The following HERC2 variants were observed in gnomAD, a reference collection of about 807,000 sequenced individuals.
The protein encoded by HERC2 is E3 ubiquitin-protein ligase HERC2.
In HERC2, 102 loss-of-function variants were observed where a neutral mutation model predicts 537.7. The ratio of observed to expected loss-of-function variants is 0.19; its 90% CI spans 0.16 to 0.22. The LOEUF is 0.22. Among genes scored for constraint, HERC2 ranks in the 10% least tolerant of loss-of-function variants. The pLI, the probability that HERC2 is intolerant of heterozygous loss-of-function variation, is 1.00. For synonymous variants in HERC2, 2,224 were observed against 2,466.2 expected, an observed-to-expected ratio of 0.90 and a Z score of 2.91; for missense variants, 4,236 against 6,198.2, an observed-to-expected ratio of 0.68 and a Z score of 10.63.
chr15:28,227,190 G>A (rs1363949074), intron 35 of HERC2, among the ~76,000 whole-genome samples: 6 of 152,088 alleles, frequency 3.9e-5, no homozygotes, highest in South Asian at 2.1e-4. Flanking sequence ...CATGAGAAGC[G>A]CTTGAACCCG....
chr15:28,142,262 C>A lies in HERC2; in HGVS notation c.11676G>T (p.Pro3892=), dbSNP rs530738222. The A allele has an allele frequency of 1.2e-6, 2 of 1,614,152 alleles. No homozygotes were observed. Among genetic ancestry groups the A allele is most frequent in the Non-Finnish European group, 1.7e-6 (2 of 1,180,030 alleles). The stretch of plus-strand genomic sequence containing the variant: ...CCTCATCAAGAAACAGACGGGGCAA[C>A]GGTGTTCTTTTGTCAAGGGCCACAG... ...RVAVALDKRT[P]LPRLFLDEVA... The change falls in exon 76 of 93, where the codon CCG becomes CCT. Residue 3892 remains proline (P), a synonymous_variant. Transcript: ENST00000261609.
intron 63 of HERC2, 36 bp from the exon 64 acceptor site, chr15:28,175,692 G>C: frequency 6.2e-7 from 1 of 1,609,762 alleles, no homozygotes; most frequent in South Asian, 1.1e-5. Context: ...TTACAATACG[G>C]TTATGGTCTG....
intron 57 of HERC2, 21 bp from the exon 58 acceptor site, chr15:28,179,244 CAA>C: frequency 8.1e-6 from 11 of 1,353,596 alleles, no homozygotes; most frequent in Admixed American, 2.4e-5. Context: ...ATTTTTTTAA[CAA>C]AAAAAAAAGA....
chr15:28,211,687 A>G (rs1292719110), intron 43 of HERC2, among the ~76,000 whole-genome samples: 1 of 152,142 alleles, frequency 6.6e-6, no homozygotes, highest in Non-Finnish European at 1.5e-5. Context: ...CCACGATGGG[A>G]AACGGCAGCT....
intron 2 of HERC2, among the ~76,000 whole-genome samples, chr15:28,300,620 A>G (rs1473887282): frequency 6.7e-6 from 1 of 149,308 alleles, no homozygotes; most frequent in Non-Finnish European, 1.5e-5. Flanking sequence ...TCAGGAGTTC[A>G]TGACCAGCCT....
intron 30 of HERC2, among the ~76,000 whole-genome samples, chr15:28,231,620 C>A (rs1232894492): frequency 6.6e-6 from 1 of 152,078 alleles, no homozygotes; most frequent in Non-Finnish European, 1.5e-5. Flanking sequence ...GGGAGAGACA[C>A]CAAAGCGTGT....
At chr15:28,263,587 A>G (rs2075471913) in intron 14 of HERC2, among the ~76,000 whole-genome samples, 1 of 142,570 alleles carries the variant, frequency 7.0e-6, no homozygotes, top group South Asian at 2.2e-4. Flanking sequence ...GTACCACTGT[A>G]TGTGTTCCCA....
At chr15:28,133,014 G>A (rs894597517) in intron 79 of HERC2, among the ~76,000 whole-genome samples, 184 bp from the exon 80 acceptor site, 1 of 151,968 alleles carries the variant, frequency 6.6e-6, no homozygotes, top group African/African-American at 2.4e-5. Flanking sequence ...AAGGCCAGAG[G>A]ACACGGCTTC....
At position 28,228,276 on chromosome 15, in the gene HERC2, G is replaced by C. The variant is rs749541624; in HGVS notation, c.5406C>G (p.Leu1802=). Residue 1802 remains leucine, a synonymous_variant, in exon 35 of 93, where the codon CTC becomes CTG. Transcript: ENST00000261609. ...GCATGCCGGAATTGAGCAGAAGGTC[G>C]AGGTTGTTTGCGCCGTGCTGCAGGG... ...MLTLQHGANN[L]DLLLNSGMLA... The C allele has an allele frequency of 1.2e-6, 2 of 1,613,274 alleles. No individual in the cohort carries two copies. Among genetic ancestry groups the C allele is most frequent in the East Asian group, 4.5e-5 (2 of 44,896 alleles).
chr15:28,149,581 CA>C (rs1892179987), intron 70 of HERC2, among the ~76,000 whole-genome samples: 2 of 151,716 alleles, frequency 1.3e-5, no homozygotes, highest in African/African-American at 4.8e-5. Flanking sequence ...GTAAAATTAC[CA>C]AAAAAACACA....
intron 23 of HERC2, among the ~76,000 whole-genome samples, chr15:28,240,711 G>C (rs549276685): frequency 5.9e-5 from 9 of 152,260 alleles, no homozygotes; most frequent in Admixed American, 3.9e-4. Flanking sequence ...CAGAAAAATG[G>C]AATAGAATGG....
intron 4 of HERC2, among the ~76,000 whole-genome samples, chr15:28,291,937 A>C (rs1212952155): frequency 5.0e-5 from 6 of 120,110 alleles, no homozygotes; most frequent in Admixed American, 8.8e-5. Flanking sequence ...AAAAAAAAAG[A>C]GGCAAAAGGG....
At chr15:28,290,007 G>C (rs912867365) in intron 4 of HERC2, among the ~76,000 whole-genome samples, 3 of 152,234 alleles carry the variant, frequency 2.0e-5, no homozygotes, top group South Asian at 4.1e-4. Flanking sequence ...TCTCTCAGGC[G>C]GGGTTCAAAG....
At position 28,186,559 on chromosome 15, in the gene HERC2, G is replaced by A; in HGVS notation, c.8825+18C>T. 3.1e-6 allele frequency: 5 copies of A among 1,606,124 alleles called. No homozygotes were observed. In the South Asian group the frequency reaches 4.4e-5, roughly 14 times the overall value. The stretch of plus-strand genomic sequence containing the variant: ...TGTAGCGGGAGGTAAGTGAGCACCT[G>A]TAACAAATGGTTCTCACCTTCCGCT... On this transcript the variant is annotated intron_variant, in intron 56 of 92. Transcript: ENST00000261609.
At position 28,111,801 on chromosome 15, in the gene HERC2, C is replaced by T. The variant is rs747789513; in HGVS notation, c.14467G>A (p.Ala4823Thr). 10 of 1,614,090 alleles carry T rather than the reference C, an allele frequency of 6.2e-6. No homozygotes were observed. ...DSDNEDVDSFASDSTQDYLTG... is the reference protein window; with the variant it reads ...DSDNEDVDSFTSDSTQDYLTG... ...AAATAATCTTGTGTAGAGTCCGAAG[C>T]AAAGGAGTCGACATCCTCGTTATCT... Residue 4823 changes from alanine to threonine, a missense_variant, in exon 93 of 93, where the codon GCT (alanine) becomes ACT (threonine). By Grantham distance (58) the Ala-to-Thr change is moderately conservative. Around this residue, in one of 27 missense-constraint regions of HERC2, gnomAD observed 313 missense variants for 462.6 expected, o/e 0.68. Coordinates refer to ENST00000261609, the MANE Select transcript of HERC2 (RefSeq NM_004667.6).
chr15:28,277,483 C>CT (rs1355168808), intron 5 of HERC2, among the ~76,000 whole-genome samples: 1 of 146,450 alleles, frequency 6.8e-6, no homozygotes, highest in East Asian at 2.0e-4. Context: ...AAAAAAGGGG[C>CT]TTTTTTAAAA....
At chr15:28,305,251 A>T (rs1175938916) in intron 2 of HERC2, among the ~76,000 whole-genome samples, 2 of 151,810 alleles carry the variant, frequency 1.3e-5, no homozygotes, top group Non-Finnish European at 2.9e-5. Flanking sequence ...TGGCTGGGTC[A>T]AATGGTATTT....
rs1052573443 is a variant in HERC2, at chr15:28,117,043, G to A, written c.13384C>T (p.Pro4462Ser). 4 of 1,614,074 alleles carry A rather than the reference G, an allele frequency of 2.5e-6. No homozygotes were observed. In the African/African-American group the frequency reaches 5.3e-5, roughly 22 times the overall value. Residue 4462 changes from proline to serine, a missense_variant, in exon 87 of 93, where the codon CCT becomes TCT. Pro to Ser is a moderately conservative substitution (Grantham distance 74, BLOSUM62 -1). Transcript: ENST00000261609. ...AACTTGACTTTCCAGACACGGTGAG[G>A]AAGGAGGAGGCTGTCGGGACCAAAC... ...SSFGPDSLLL[P>S]HRVWKVKFVG... is the part of the protein sequence containing the mutation.
At chr15:28,191,760 C>T (rs549519432) in intron 53 of HERC2, among the ~76,000 whole-genome samples, 1 of 152,162 alleles carries the variant, frequency 6.6e-6, no homozygotes, top group Admixed American at 6.5e-5. Flanking sequence ...ATCTATTACT[C>T]GTATTGTTTA....
Sources: gnomAD v4.1 joint callset for allele counts (sites outside exome capture counted in the v4.1 genomes callset) on GRCh38, gnomAD v4.1.1 for gene constraint, gnomAD v4.1.1 regional missense constraint, MANE v1.5 for transcripts, NCBI Gene and HGNC (gene_info 2026-07-23, HGNC 2026-07-21) for gene names.